Variants in TENT4B observed in about 807,000 individuals in gnomAD.
TENT4B encodes the protein PAP associated domain containing 5.
TENT4B carries 10 observed loss-of-function variants against 75.0 expected under a neutral mutation model. That is an observed-to-expected ratio of 0.13 (90% CI 0.08 to 0.23). The LOEUF (loss-of-function observed/expected upper bound fraction) is 0.23, where lower values mean the gene tolerates loss of function less well. Among genes scored for constraint, TENT4B ranks in the 10% least tolerant of loss-of-function variants. TENT4B has a pLI of 1.00. For missense variants in TENT4B, 579 were observed against 893.8 expected (o/e 0.65, Z 4.49); for synonymous variants, 350 against 357.7 (o/e 0.98, Z 0.24).
At chr16:50,153,270 G>A (rs1297395353), upstream of TENT4B, among the ~76,000 whole-genome samples, 2 of 139,762 alleles carry the variant, frequency 1.4e-5, no homozygotes, top group Non-Finnish European at 3.1e-5. Flanking sequence ...GAGCAGGCGC[G>A]TCTCGCTGCC....
Position 50,234,551 on chromosome 16 carries a change from A to C in TENT4B, c.*5223A>C. On this transcript the variant is annotated 3_prime_UTR_variant, in exon 12 of 12. Transcript: ENST00000561678. The stretch of plus-strand genomic sequence containing the variant: ...CTTTTATATTTAGTTGCAATTTATT[A>C]TAATATGTTGTTTTGTCCCTGAACT... The C allele has an allele frequency of 1.0e-6, 1 of 982,316 alleles. No individual in the cohort carries two copies. The highest frequency in any genetic ancestry group is 1.1e-4 in the East Asian group (1 of 8,804). The allele number at this position is 982,316 out of a possible 1,614,324, so 60.8% of individuals were successfully genotyped here.
chr16:50,234,169 T>C lies in TENT4B; in HGVS notation c.*4841T>C. 1.0e-6 allele frequency: 1 copy of C among 985,456 alleles called. No individual in the cohort carries two copies. The highest frequency in any genetic ancestry group is 1.2e-6 in the Non-Finnish European group (1 of 829,988). 61.0% of individuals were successfully genotyped at this position (985,456 alleles called of 1,614,324 possible). A position where few individuals can be genotyped will look rare whatever the true frequency, so the allele number is the denominator to read the frequency against. The stretch of plus-strand genomic sequence containing the variant: ...AGAAACTATGAAGTAAACAAGTTGC[T>C]CAGGCCGGGCATGGTGGCTCACGCC... On this transcript the variant is annotated 3_prime_UTR_variant, in exon 12 of 12. Coordinates refer to ENST00000561678, the MANE Select transcript of TENT4B (RefSeq NM_001365324.3).
rs199686311 is a variant in TENT4B, at chr16:50,220,138, A to ACC, written c.1039-2167_1039-2166dup. On this transcript the variant is annotated intron_variant, in intron 5 of 11. Coordinates refer to ENST00000561678, the MANE Select transcript of TENT4B (RefSeq NM_001365324.3). ...TGAGTAGCTGGGATTAGAGGCGCACACCACCACGCTCAGCTAATTTTTGTA... is the reference window on the plus strand; with the variant it reads ...TGAGTAGCTGGGATTAGAGGCGCACACCCCACCACGCTCAGCTAATTTTTGTA... 1.9e-3 allele frequency among the ~76,000 whole-genome samples: 285 copies of ACC among 151,828 alleles called. 1 individual carries two copies. Among genetic ancestry groups the ACC allele is most frequent in the African/African-American group, 6.1e-3 (252 of 41,410 alleles).
intron 1 of TENT4B, among the ~76,000 whole-genome samples, chr16:50,165,454 A>G (rs1416619590): frequency 4.6e-5 from 7 of 150,764 alleles, no homozygotes; most frequent in Non-Finnish European, 1.0e-4. Context: ...CACATACCAT[A>G]AATTTAACCC....
chr16:50,208,020 T>G (rs2031078437), intron 1 of TENT4B, among the ~76,000 whole-genome samples: 2 of 152,238 alleles, frequency 1.3e-5, no homozygotes, highest in South Asian at 4.1e-4. Context: ...CTCTGAGTAT[T>G]TCACACGTAG....
chr16:50,173,296 TTATC>T (rs2038241780), intron 1 of TENT4B, among the ~76,000 whole-genome samples: 1 of 152,166 alleles, frequency 6.6e-6, no homozygotes, highest in African/African-American at 2.4e-5. Flanking sequence ...GTGTATGAGT[TTATC>T]TATTCACCTT....
intron 1 of TENT4B, among the ~76,000 whole-genome samples, chr16:50,195,092 T>G (rs1281653270): frequency 6.6e-6 from 1 of 152,168 alleles, no homozygotes; most frequent in African/African-American, 2.4e-5. Flanking sequence ...CCAGGCTTGT[T>G]TAATTGATTT....
At position 50,230,660 on chromosome 16, in the gene TENT4B, G is replaced by C. The variant is rs940114529; in HGVS notation, c.*1332G>C. 1.0e-6 allele frequency: 1 copy of C among 985,136 alleles called. No individual in the cohort carries two copies. Among genetic ancestry groups the C allele is most frequent in the Admixed American group, 6.2e-5 (1 of 16,230 alleles). The allele number at this position is 985,136 out of a possible 1,614,324, so 61.0% of individuals were successfully genotyped here. A position where few individuals can be genotyped will look rare whatever the true frequency, so the allele number is the denominator to read the frequency against. On this transcript the variant is annotated 3_prime_UTR_variant, in exon 12 of 12. Transcript: ENST00000561678. ...CCTCTTCTTTCATGGAATTGTTATCGTTAATTAAAACTTTTTTAAACATTG... is the reference window on the plus strand; with the variant it reads ...CCTCTTCTTTCATGGAATTGTTATCCTTAATTAAAACTTTTTTAAACATTG...
At chr16:50,214,606 A>G (rs1376442678) in intron 3 of TENT4B, among the ~76,000 whole-genome samples, 1 of 152,214 alleles carries the variant, frequency 6.6e-6, no homozygotes, top group Non-Finnish European at 1.5e-5. Context: ...CAGTGAGCCG[A>G]GATCGCGCCA....
chr16:50,195,571 G>A (rs2030176565), intron 1 of TENT4B, among the ~76,000 whole-genome samples: 1 of 152,164 alleles, frequency 6.6e-6, no homozygotes, highest in Non-Finnish European at 1.5e-5. Context: ...ATGGTCCTGA[G>A]TCATGAAAAC....
chr16:50,205,878 A>G (rs1046059644), intron 1 of TENT4B, among the ~76,000 whole-genome samples: 3 of 152,170 alleles, frequency 2.0e-5, no homozygotes, highest in African/African-American at 4.8e-5. Context: ...GGTGTGAGCC[A>G]CTGCTTCTGC....
intron 1 of TENT4B, among the ~76,000 whole-genome samples, chr16:50,180,949 T>A (rs2038403751): frequency 6.6e-6 from 1 of 152,208 alleles, no homozygotes; most frequent in South Asian, 2.1e-4. Flanking sequence ...AATAGAATAG[T>A]TTTCTTCCTC....
chr16:50,231,297 A>G lies in TENT4B; in HGVS notation c.*1969A>G. ...GTTTGTCATAACATTGTGCATAATC[A>G]CAGTATTTATTTTCTAGGACAATTG... On this transcript the variant is annotated 3_prime_UTR_variant, in exon 12 of 12. Coordinates refer to ENST00000561678, the MANE Select transcript of TENT4B (RefSeq NM_001365324.3). 1 of 984,568 alleles carries G rather than the reference A, an allele frequency of 1.0e-6. No homozygotes were observed. Among genetic ancestry groups the G allele is most frequent in the Non-Finnish European group, 1.2e-6 (1 of 828,782 alleles). 61.0% of individuals were successfully genotyped at this position (984,568 alleles called of 1,614,324 possible).
chr16:50,218,061 CCTTA>C (rs2031656157), intron 5 of TENT4B, among the ~76,000 whole-genome samples: 2 of 151,824 alleles, frequency 1.3e-5, no homozygotes, highest in Admixed American at 6.6e-5. Context: ...TCAGCCTGCA[CCTTA>C]CTTTTGTATG....
At chr16:50,159,110 C>T (rs764687149) in intron 1 of TENT4B, among the ~76,000 whole-genome samples, 2 of 152,166 alleles carry the variant, frequency 1.3e-5, no homozygotes, top group Non-Finnish European at 1.5e-5. Flanking sequence ...ATGTGCCATC[C>T]TCTAGTGCCC....
chr16:50,207,727 T>G (rs567732735), intron 1 of TENT4B, among the ~76,000 whole-genome samples: 1 of 152,348 alleles, frequency 6.6e-6, no homozygotes, highest in Non-Finnish European at 1.5e-5. Context: ...GTTTTCTCTG[T>G]GTACTTGGAT....
intron 2 of TENT4B, among the ~76,000 whole-genome samples, chr16:50,213,702 T>C (rs1026899546): frequency 6.6e-6 from 1 of 152,076 alleles, no homozygotes; most frequent in Non-Finnish European, 1.5e-5. Flanking sequence ...AAACCAACAA[T>C]GGATTGAAAA....
intron 1 of TENT4B, among the ~76,000 whole-genome samples, chr16:50,192,232 CA>C (rs35218799): frequency 0.68 from 87,816 of 129,440 alleles, 29,827 homozygotes; most frequent in South Asian, 0.79. Context: ...GACTCTGTCT[CA>C]AAAAAAAAAA....
chr16:50,232,462 G>A lies in TENT4B; in HGVS notation c.*3134G>A. 2 of 985,264 alleles carry A rather than the reference G, an allele frequency of 2.0e-6. No individual in the cohort carries two copies. The highest frequency in any genetic ancestry group is 2.4e-6 in the Non-Finnish European group (2 of 829,908). The allele number at this position is 985,264 out of a possible 1,614,324, so 61.0% of individuals were successfully genotyped here. A position where few individuals can be genotyped will look rare whatever the true frequency, so the allele number is the denominator to read the frequency against. The stretch of plus-strand genomic sequence containing the variant: ...GCACAGGGCAAAACATGGGCTATAG[G>A]GTGAGCATTTTTAATTGTCTTTTTC... On this transcript the variant is annotated 3_prime_UTR_variant, in exon 12 of 12. Transcript: ENST00000561678.
Sources: gnomAD v4.1 joint callset for allele counts (sites outside exome capture counted in the v4.1 genomes callset) on GRCh38, gnomAD v4.1.1 for gene constraint, MANE v1.5 for transcripts, NCBI Gene and HGNC (gene_info 2026-07-23, HGNC 2026-07-21) for gene names.